The following ZNF257 variants were observed in gnomAD, a reference collection of about 807,000 sequenced individuals.
The protein encoded by ZNF257 is zinc finger protein 257, also known as bone marrow zinc finger 4.
ZNF257 carries 12 observed loss-of-function variants against 11.9 expected under a neutral mutation model. The ratio of observed to expected loss-of-function variants is 1.01; its 90% confidence interval spans 0.65 to 1.63. ZNF257 has a LOEUF of 1.63. Among genes scored for constraint, ZNF257 ranks in the 40% most tolerant of loss-of-function variants. The pLI is 0.00. For synonymous variants in ZNF257, 183 were observed against 222.7 expected (o/e 0.82, Z 1.59); for missense variants, 580 against 665.5 (o/e 0.87, Z 1.41).
chr19:22,056,561 C>T (rs1247283810), intron 1 of ZNF257, among the ~76,000 whole-genome samples: 2 of 150,072 alleles, frequency 1.3e-5, no homozygotes, highest in South Asian at 4.2e-4. Context: ...CTGCAAGCTC[C>T]GCCTCCCAGG....
rs1314119612 is a variant in ZNF257 at position 22,090,230 on chromosome 19, CCTT to C, written c.*789_*791del. Reference sequence around the variant, plus strand: ...TCAAATGATCTTTCAGAAATATAAACCTTTAAAGTGAAGAAGAGTTCATTCTAA... The same window carrying C: ...TCAAATGATCTTTCAGAAATATAAACTAAAGTGAAGAAGAGTTCATTCTAA... On this transcript the variant is annotated 3_prime_UTR_variant, in exon 4 of 4. Transcript: ENST00000594947. 6.6e-6 allele frequency: 1 copy of C among 151,988 alleles called. No individual in the cohort carries two copies. Among genetic ancestry groups the C allele is most frequent in the Non-Finnish European group, 1.5e-5 (1 of 67,984 alleles). The allele number at this position is 151,988 out of a possible 1,614,324, so 9.4% of individuals were successfully genotyped here.
chr19:22,061,187 G>A (rs1012115997), intron 1 of ZNF257, among the ~76,000 whole-genome samples: 1 of 152,034 alleles, frequency 6.6e-6, no homozygotes, highest in Non-Finnish European at 1.5e-5. Flanking sequence ...GATAGGAATA[G>A]TATTAGATCT....
At chr19:22,065,081 T>C (rs2021908588) in intron 1 of ZNF257, among the ~76,000 whole-genome samples, 1 of 151,832 alleles carries the variant, frequency 6.6e-6, no homozygotes. Flanking sequence ...TTTTCTACAA[T>C]AGTATGAATA....
chr19:22,082,546 A>T (rs1401488533), intron 3 of ZNF257, among the ~76,000 whole-genome samples: 1 of 152,098 alleles, frequency 6.6e-6, no homozygotes, highest in African/African-American at 2.4e-5. Flanking sequence ...GAAAGTGTTT[A>T]TTTTTATCTT....
intron 1 of ZNF257, chr19:22,064,346 G>T (rs944067581): frequency 6.6e-6 from 1 of 152,130 alleles, no homozygotes; most frequent in Non-Finnish European, 1.5e-5. Context: ...TAAACCTTTT[G>T]TCATTATTTT....
At chr19:22,057,678 T>C (rs7246619) in intron 1 of ZNF257, among the ~76,000 whole-genome samples, 99,882 of 152,016 alleles carry the variant, frequency 0.66, 33,695 homozygotes, top group South Asian at 0.83. Flanking sequence ...AAGCTTAGGC[T>C]GACAGGGACT....
At chr19:22,055,642 T>C (rs1038111894) in intron 1 of ZNF257, among the ~76,000 whole-genome samples, 21 of 152,238 alleles carry the variant, frequency 1.4e-4, no homozygotes, top group African/African-American at 4.8e-4. Flanking sequence ...AGAGTGGTTA[T>C]TGAGCACTTA....
chr19:22,078,676 CT>C (rs1272588148), intron 3 of ZNF257, among the ~76,000 whole-genome samples: 8 of 151,768 alleles, frequency 5.3e-5, no homozygotes, highest in Non-Finnish European at 1.0e-4. Context: ...TTCTATATTT[CT>C]AAAAAATTGG....
At chr19:22,069,781 T>C (rs887087617) in intron 1 of ZNF257, among the ~76,000 whole-genome samples, 1 of 149,100 alleles carries the variant, frequency 6.7e-6, no homozygotes, top group African/African-American at 2.5e-5. Flanking sequence ...GATATTTGTT[T>C]AAATGGATTA....
At chr19:22,085,047 T>TTG (rs2022446062) in intron 3 of ZNF257, among the ~76,000 whole-genome samples, 1 of 150,848 alleles carries the variant, frequency 6.6e-6, no homozygotes, top group African/African-American at 2.4e-5. Flanking sequence ...AGTTTTTTTT[T>TTG]TTGTTGTTGT....
Position 22,061,379 on chromosome 19 carries a change from T to G in ZNF257, c.3+8744T>G, listed in dbSNP as rs554988723. ...CCCTCTGGTTAGCTGTATTTCTACA[T>G]AATTATTTTTCTGTGGCAGTTGTGA... On this transcript the variant is annotated intron_variant, in intron 1 of 3. Transcript: ENST00000594947. Among the ~76,000 whole-genome samples, 7 of 152,340 alleles carry G rather than the reference T, an allele frequency of 4.6e-5. No homozygotes were observed. The East Asian group carries it at 1.3e-3, about 29-fold the overall frequency.
At chr19:22,059,643 C>CTTT (rs58613357) in intron 1 of ZNF257, among the ~76,000 whole-genome samples, 1 of 136,886 alleles carries the variant, frequency 7.3e-6, no homozygotes, top group African/African-American at 2.7e-5. Flanking sequence ...TGTTTCTTTT[C>CTTT]TTTTTTTTTT....
chr19:22,088,737 A>G lies in ZNF257; in HGVS notation c.987A>G (p.Ser329=). Residue 329 remains serine (S), a synonymous_variant, in exon 4 of 4, where the codon TCA becomes TCG. Coordinates refer to ENST00000594947, the MANE Select transcript of ZNF257 (RefSeq NM_033468.4). ...GTGGCAAAGCCTTTAACCAGTCCTC[A>G]GCCCTTACTCGACATAAGATGATTC... ...EECGKAFNQS[S]ALTRHKMIHT... 2 of 1,612,582 alleles carry G rather than the reference A, an allele frequency of 1.2e-6. No individual in the cohort carries two copies. Among genetic ancestry groups the G allele is most frequent in the Non-Finnish European group, 1.7e-6 (2 of 1,179,642 alleles).
At chr19:22,078,786 T>C (rs2022290029) in intron 3 of ZNF257, among the ~76,000 whole-genome samples, 1 of 146,090 alleles carries the variant, frequency 6.8e-6, no homozygotes, top group Non-Finnish European at 1.5e-5. Flanking sequence ...CCAGTTTTCT[T>C]TCTTTCTTTT....
At chr19:22,063,115 GACTTT>G (rs1477588580) in intron 1 of ZNF257, among the ~76,000 whole-genome samples, 1 of 152,042 alleles carries the variant, frequency 6.6e-6, no homozygotes, top group Admixed American at 6.6e-5. Context: ...ATTTGTCCAG[GACTTT>G]ATTTATTACT....
rs10424447 is a variant in ZNF257, at chr19:22,091,240, A to G, written c.*1798A>G. The G allele has an allele frequency of 0.23, 35,305 of 151,814 alleles. 5,562 individuals carry two copies. The highest frequency in any genetic ancestry group is 0.44 in the African/African-American group (18,311 of 41,320). 9.4% of individuals were successfully genotyped at this position (151,814 alleles called of 1,614,324 possible). On this transcript the variant is annotated 3_prime_UTR_variant, in exon 4 of 4. Coordinates refer to ENST00000594947, the MANE Select transcript of ZNF257 (RefSeq NM_033468.4). ...TTGGGAGGCTGAGGCGGGCGGATCA[A>G]TTGAGGCCAGGAGTTTGAAACCAGC...
intron 3 of ZNF257, among the ~76,000 whole-genome samples, chr19:22,079,127 G>A (rs2022301743): frequency 6.6e-6 from 1 of 152,038 alleles, no homozygotes; most frequent in South Asian, 2.1e-4. Context: ...TTTTTGAAGA[G>A]ATTATCTTTT....
At position 22,056,071 on chromosome 19, in the gene ZNF257, A is replaced by T. The variant is rs1364142361; in HGVS notation, c.3+3436A>T. Among the ~76,000 whole-genome samples, 3 of 149,278 alleles carry T rather than the reference A, an allele frequency of 2.0e-5. No homozygotes were observed. In the East Asian group the frequency reaches 5.9e-4, roughly 29 times the overall value. On this transcript the variant is annotated intron_variant, in intron 1 of 3. Coordinates refer to ENST00000594947, the MANE Select transcript of ZNF257 (RefSeq NM_033468.4). Reference sequence around the variant, plus strand: ...CTCCGTCTCAAAAAAAAAAAAAAAAAGAAAAGAATTGTTTTCACTTATCTT... The same window carrying T: ...CTCCGTCTCAAAAAAAAAAAAAAAATGAAAAGAATTGTTTTCACTTATCTT...
At position 22,089,319 on chromosome 19, in the gene ZNF257, T is replaced by C. The variant is rs534304939; in HGVS notation, c.1569T>C (p.Pro523=). 3.1e-6 allele frequency: 5 copies of C among 1,613,722 alleles called. No homozygotes were observed. In the South Asian group the frequency reaches 3.3e-5, roughly 11 times the overall value. The change falls in exon 4 of 4, where the codon CCT becomes CCC. Residue 523 remains proline, a synonymous_variant. Transcript: ENST00000594947. ...ACAAATGTGAAGAATGTGGCAAGCC[T>C]TTTAATCGTTTCTCATACCTTACCG... ...KPYKCEECGK[P]FNRFSYLTVH... is the part of the protein sequence containing the mutation.
Sources: allele counts gnomAD v4.1 joint callset (sites outside exome capture counted in the v4.1 genomes callset), GRCh38; gene constraint gnomAD v4.1.1; transcripts MANE v1.5; gene names NCBI Gene and HGNC (gene_info 2026-07-23, HGNC 2026-07-21).